TESK2: variants seen among roughly 807,000 people sequenced by gnomAD.
The protein encoded by TESK2 is testis associated actin remodelling kinase 2.
A neutral mutation model predicts 57.1 loss-of-function variants in TESK2; 39 were observed. The ratio of observed to expected loss-of-function variants is 0.68; its 90% CI spans 0.53 to 0.89. TESK2 has a LOEUF of 0.89. Ranked by LOEUF, TESK2 falls within the 40% of genes least tolerant of loss-of-function variation. The pLI is 0.00. For synonymous variants in TESK2, 249 were observed against 267.9 expected (o/e 0.93, Z 0.69); for missense variants, 646 against 732.1 (o/e 0.88, Z 1.36).
In TESK2 at chr1:45,347,746, A is replaced by C. The variant is rs1647167177; in HGVS notation, c.624-53T>G. 5 of 1,584,494 alleles carry C rather than the reference A, an allele frequency of 3.2e-6. No individual in the cohort carries two copies. The Admixed American group carries it at 6.7e-5, about 21-fold the overall frequency. On this transcript the variant is annotated intron_variant, in intron 6 of 10. Coordinates refer to ENST00000372086, the MANE Select transcript of TESK2 (RefSeq NM_007170.3). ...AGCTTGCCAATGGCTGGTGCAATGG[A>C]ATCTTTTGACCATTCCTCCACCTCA... is the stretch of plus-strand genomic sequence containing the variant.
intron 4 of TESK2, among the ~76,000 whole-genome samples, chr1:45,373,217 C>T (rs1351171863): frequency 6.6e-6 from 1 of 151,880 alleles, no homozygotes; most frequent in African/African-American, 2.4e-5. Context: ...AAGTGTGGAA[C>T]AAGACTGACA....
intron 2 of TESK2, among the ~76,000 whole-genome samples, chr1:45,428,895 C>G (rs538551492): frequency 2.2e-5 from 3 of 137,470 alleles, no homozygotes; most frequent in South Asian, 4.6e-4. Flanking sequence ...GATCTTGGCT[C>G]GCTGCAAGCT....
intron 5 of TESK2, among the ~76,000 whole-genome samples, chr1:45,351,213 T>C (rs1056103155): frequency 2.6e-5 from 4 of 152,230 alleles, no homozygotes; most frequent in Admixed American, 2.6e-4. Context: ...TGTGTACTGG[T>C]TACTTCTAGA....
chr1:45,459,296 C>T (rs1052010710), intron 1 of TESK2, among the ~76,000 whole-genome samples: 1 of 151,260 alleles, frequency 6.6e-6, no homozygotes, highest in Non-Finnish European at 1.5e-5. Context: ...GGCCAATTTT[C>T]AAAGAAAAAA....
intron 4 of TESK2, among the ~76,000 whole-genome samples, chr1:45,384,618 T>TTTA (rs1352229108): frequency 2.8e-4 from 38 of 136,858 alleles, no homozygotes; most frequent in South Asian, 2.4e-3. Flanking sequence ...TTTTTTTTTT[T>TTTA]TTTTTTTTGT....
chr1:45,372,976 C>T (rs1354548827), intron 4 of TESK2, among the ~76,000 whole-genome samples: 2 of 143,794 alleles, frequency 1.4e-5, no homozygotes, highest in South Asian at 4.3e-4. Flanking sequence ...TGCGGTGAGC[C>T]GAGATCACGC....
chr1:45,355,528 C>A (rs1647383809), intron 4 of TESK2, 79 bp from the exon 5 acceptor site: 3 of 1,494,898 alleles, frequency 2.0e-6, no homozygotes, highest in Non-Finnish European at 2.7e-6. Context: ...AGAGTAAACA[C>A]CTGGAAGAGA....
At chr1:45,449,551 G>A (rs1557578374) in intron 2 of TESK2, among the ~76,000 whole-genome samples, 1 of 152,110 alleles carries the variant, frequency 6.6e-6, no homozygotes, top group Non-Finnish European at 1.5e-5. Context: ...AAAGCATGGA[G>A]GATAGATTAA....
intron 2 of TESK2, among the ~76,000 whole-genome samples, chr1:45,446,333 C>T (rs1007858): frequency 0.25 from 37,530 of 151,730 alleles, 4,779 homozygotes; most frequent in East Asian, 0.36. Flanking sequence ...TATTGTTGCA[C>T]ATCTGTAGGC....
At chr1:45,442,961 T>G (rs1373612024) in intron 2 of TESK2, among the ~76,000 whole-genome samples, 1 of 152,204 alleles carries the variant, frequency 6.6e-6, no homozygotes, top group Admixed American at 6.5e-5. Flanking sequence ...AATTTTAGTA[T>G]TTTTAGTAAT....
chr1:45,453,263 C>T (rs573452620), intron 2 of TESK2, among the ~76,000 whole-genome samples: 8 of 147,556 alleles, frequency 5.4e-5, no homozygotes, highest in Non-Finnish European at 1.2e-4. Flanking sequence ...GGGAGGATCA[C>T]TTGAGTCTGG....
intron 5 of TESK2, among the ~76,000 whole-genome samples, chr1:45,353,020 T>G (rs1268669078): frequency 6.6e-6 from 1 of 151,972 alleles, no homozygotes; most frequent in Non-Finnish European, 1.5e-5. Flanking sequence ...CATCTCAGCC[T>G]CCCGAGTAGC....
intron 1 of TESK2, among the ~76,000 whole-genome samples, chr1:45,463,775 G>A (rs1345336641): frequency 6.6e-6 from 1 of 151,876 alleles, no homozygotes; most frequent in Non-Finnish European, 1.5e-5. Context: ...TTTTTGTAGA[G>A]ACAAGGTTTT....
At chr1:45,383,764 C>G (rs1420191425) in intron 4 of TESK2, among the ~76,000 whole-genome samples, 1 of 152,062 alleles carries the variant, frequency 6.6e-6, no homozygotes, top group Non-Finnish European at 1.5e-5. Context: ...CTCTGGTAGA[C>G]AGAAGGAAGG....
chr1:45,345,916 C>G lies in TESK2; in HGVS notation c.958G>C (p.Glu320Gln), dbSNP rs775045482. Residue 320 changes from glutamate (E) to glutamine (Q), a missense_variant, in exon 10 of 11, where the codon GAG becomes CAG. Physicochemically the swap from Glu to Gln is conservative, Grantham distance 29. Transcript: ENST00000372086. ...EEILSRLQEE[E>Q]QERDRKLQPT... ...TGCAGCTTCCTATCCCTCTCCTGCT[C>G]TTCTTCCTGTAGGCGGCTCAGAATT... 2 of 1,614,128 alleles carry G rather than the reference C, an allele frequency of 1.2e-6. No homozygotes were observed. The highest frequency in any genetic ancestry group is 1.7e-6 in the Non-Finnish European group (2 of 1,180,014).
chr1:45,471,243 C>T (rs1652750852), intron 1 of TESK2, among the ~76,000 whole-genome samples: 1 of 151,800 alleles, frequency 6.6e-6, no homozygotes, highest in African/African-American at 2.4e-5. Flanking sequence ...AAAAAAGAAG[C>T]GGAGGAGCCA....
intron 1 of TESK2, among the ~76,000 whole-genome samples, chr1:45,475,748 G>A (rs571492378): frequency 3.9e-5 from 6 of 151,932 alleles, no homozygotes; most frequent in African/African-American, 1.4e-4. Flanking sequence ...ATCTGGGTGG[G>A]CACCATCTAA....
chr1:45,354,361 C>T (rs932080213), intron 5 of TESK2, among the ~76,000 whole-genome samples: 1 of 152,180 alleles, frequency 6.6e-6, no homozygotes, highest in Admixed American at 6.5e-5. Context: ...TATGGTGGCT[C>T]ATGCCTGTAA....
chr1:45,440,604 T>C (rs1266228278), intron 2 of TESK2, among the ~76,000 whole-genome samples: 1 of 151,506 alleles, frequency 6.6e-6, no homozygotes, highest in Admixed American at 6.6e-5. Flanking sequence ...TATTCCCAGC[T>C]ACCCAGGAGG....
Sources: allele counts gnomAD v4.1 joint callset (sites outside exome capture counted in the v4.1 genomes callset), GRCh38; gene constraint gnomAD v4.1.1; transcripts MANE v1.5; gene names NCBI Gene and HGNC (gene_info 2026-07-23, HGNC 2026-07-21).